MTO1: variants seen among roughly 807,000 people sequenced by gnomAD.
The protein encoded by MTO1 is 5-taurinomethyluridine-[tRNA] synthase subunit MTO1, mitochondrial.
In MTO1, 46 loss-of-function variants were observed where a neutral mutation model predicts 71.6. The ratio of observed to expected loss-of-function variants is 0.64; its 90% CI spans 0.51 to 0.82. The LOEUF (loss-of-function observed/expected upper bound fraction) is 0.82. Among genes scored for constraint, MTO1 ranks in the 40% least tolerant of loss-of-function variants. The pLI, the probability that MTO1 is intolerant of heterozygous loss-of-function variation, is 0.00. For missense variants in MTO1, 773 were observed against 867.5 expected (o/e 0.89, Z 1.37); for synonymous variants, 297 against 312.1 (o/e 0.95, Z 0.51).
intron 4 of MTO1, among the ~76,000 whole-genome samples, chr6:73,475,731 C>T (rs1159678608): frequency 1.3e-5 from 2 of 151,978 alleles, no homozygotes; most frequent in Non-Finnish European, 2.9e-5. Context: ...AGGCTGGTCA[C>T]GAGCTCCCGA....
intron 9 of MTO1, among the ~76,000 whole-genome samples, chr6:73,483,847 C>T (rs926939555): frequency 2.0e-5 from 3 of 146,920 alleles, no homozygotes; most frequent in Admixed American, 7.1e-5. Context: ...GGCATGATCT[C>T]GGCTCACTGC....
intron 3 of MTO1, among the ~76,000 whole-genome samples, 187 bp from the exon 4 acceptor site, chr6:73,473,178 C>T (rs1213798105): frequency 6.6e-6 from 1 of 152,182 alleles, no homozygotes; most frequent in African/African-American, 2.4e-5. Context: ...ACTCGGGAGG[C>T]TGAGGCAGGA....
At chr6:73,483,086 C>G (rs1771559377) in intron 9 of MTO1, among the ~76,000 whole-genome samples, 2 of 151,948 alleles carry the variant, frequency 1.3e-5, no homozygotes, top group African/African-American at 4.8e-5. Context: ...GCCACTGCAC[C>G]CGGCCTAACT....
chr6:73,491,396 C>CAAAAA (rs1223217073), intron 9 of MTO1, among the ~76,000 whole-genome samples: 1 of 133,744 alleles, frequency 7.5e-6, no homozygotes, highest in Non-Finnish European at 1.6e-5. Flanking sequence ...CCTGTCTCTA[C>CAAAAA]AAAAAAAAAA....
intron 3 of MTO1, among the ~76,000 whole-genome samples, chr6:73,469,864 G>T (rs992513264): frequency 6.6e-6 from 1 of 151,980 alleles, no homozygotes; most frequent in Non-Finnish European, 1.5e-5. Flanking sequence ...AATTACCCAG[G>T]TGTGGTGGCA....
In MTO1 at chr6:73,497,157, C is replaced by T. The variant is rs375439644; in HGVS notation, c.1757-579C>T. 9.7e-4 allele frequency among the ~76,000 whole-genome samples: 90 copies of T among 92,702 alleles called. 4 individuals are homozygous for T. Among genetic ancestry groups the T allele is most frequent in the African/African-American group, 1.4e-3 (35 of 24,338 alleles). The allele number at this position is 92,702 out of a possible 152,430, so 60.8% of individuals were successfully genotyped here. ...TTTGCACTGACAGCGGAAGCAAATT[C>T]TTTTTTTTTTTTTGAGACAGAGTCT... On this transcript the variant is annotated intron_variant, in intron 10 of 11. Transcript: ENST00000498286.
At chr6:73,464,861 A>AAAAC (rs1561938557) in intron 1 of MTO1, among the ~76,000 whole-genome samples, 1 of 147,850 alleles carries the variant, frequency 6.8e-6, no homozygotes, top group Non-Finnish European at 1.5e-5. Context: ...AAAAAAAAAA[A>AAAAC]CTTTTGGAGG....
At chr6:73,483,784 A>ATTT (rs35787647) in intron 9 of MTO1, among the ~76,000 whole-genome samples, 2 of 104,084 alleles carry the variant, frequency 1.9e-5, no homozygotes, top group Non-Finnish European at 3.9e-5. Flanking sequence ...ACACCTGGCT[A>ATTT]TTTTTTTTTT....
chr6:73,486,574 C>T (rs1286924737), intron 9 of MTO1: 1 of 439,944 alleles, frequency 2.3e-6, no homozygotes, highest in Non-Finnish European at 4.5e-6. Context: ...CTCGTCTCTA[C>T]TAAAAAATAC....
intron 9 of MTO1, among the ~76,000 whole-genome samples, chr6:73,485,421 C>G (rs1771622898): frequency 6.6e-6 from 1 of 151,822 alleles, no homozygotes; most frequent in Non-Finnish European, 1.5e-5. Flanking sequence ...TGCAGTCTAC[C>G]ACTTAGCCTT....
chr6:73,473,738 T>TG, intron 4 of MTO1, 84 bp downstream of exon 4: 2 of 1,144,392 alleles, frequency 1.7e-6, no homozygotes, highest in Non-Finnish European at 1.2e-6. Flanking sequence ...TTTTTTTTTT[T>TG]GGCAGCAGTT....
At position 73,492,292 on chromosome 6, in the gene MTO1, C is replaced by G. The variant is rs139647877; in HGVS notation, c.1696C>G (p.Pro566Ala). The change falls in exon 10 of 12, where the codon CCA becomes GCA. Residue 566 changes from proline (P) to alanine (A), a missense_variant. Pro to Ala is a conservative substitution (Grantham distance 27, BLOSUM62 -1). Transcript: ENST00000498286. ...VDMDSLAKAV[P>A]EPLKKYTKCR... is the part of the protein sequence containing the mutation. The stretch of plus-strand genomic sequence containing the variant: ...CATGGATTCATTAGCCAAGGCTGTT[C>G]CAGAGCCCTTGAAGAAGTATACTAA... The G allele has an allele frequency of 3.2e-5, 51 of 1,613,760 alleles. No homozygotes were observed. The highest frequency in any genetic ancestry group is 4.2e-5 in the Non-Finnish European group (50 of 1,179,838).
intron 4 of MTO1, 73 bp downstream of exon 4, chr6:73,473,727 T>TG: frequency 7.7e-7 from 1 of 1,290,874 alleles, no homozygotes. Flanking sequence ...GTAACTTTTT[T>TG]TTTTTTTTTT....
In MTO1 at chr6:73,504,633, TG is replaced by T. The variant is rs1385586386; in HGVS notation, c.*3899del. ...CAGGCCAGGCACGGTGGCTTACGCC[TG>T]TAATCCCAGCACTTTGGGAGGCCAG... is the stretch of plus-strand genomic sequence containing the variant. On this transcript the variant is annotated 3_prime_UTR_variant, in exon 12 of 12. Transcript: ENST00000498286. The T allele has an allele frequency of 6.6e-6, 1 of 152,278 alleles. No homozygotes were observed. Among genetic ancestry groups the T allele is most frequent in the Non-Finnish European group, 1.5e-5 (1 of 68,084 alleles). The allele number at this position is 152,278 out of a possible 1,614,324, so 9.4% of individuals were successfully genotyped here. A position where few individuals can be genotyped will look rare whatever the true frequency, so the allele number is the denominator to read the frequency against.
chr6:73,494,878 C>T (rs978818626), intron 10 of MTO1, among the ~76,000 whole-genome samples: 4 of 151,224 alleles, frequency 2.6e-5, no homozygotes, highest in Admixed American at 6.6e-5. Context: ...CTCCTGGGTT[C>T]AAGCCGTTCT....
In MTO1 at chr6:73,461,980, T is replaced by G; in HGVS notation, c.126T>G (p.Ile42Met). The change falls in exon 1 of 12, where the codon ATT becomes ATG. Residue 42 changes from isoleucine to methionine, a missense_variant. By Grantham distance (10) the Ile-to-Met change is conservative. Coordinates refer to ENST00000498286, the MANE Select transcript of MTO1 (RefSeq NM_012123.4). ...CTCCGCACTTCGACGTGATAGTCAT[T>G]GGTGGAGGACATGCCGGGACTGAGG... ...PRTPHFDVIV[I>M]GGGHAGTEAA... 1 of 1,614,200 alleles carries G rather than the reference T, an allele frequency of 6.2e-7. No individual in the cohort carries two copies. The highest frequency in any genetic ancestry group is 8.5e-7 in the Non-Finnish European group (1 of 1,180,042).
chr6:73,469,598 G>A (rs531141614), intron 3 of MTO1, among the ~76,000 whole-genome samples: 2 of 152,148 alleles, frequency 1.3e-5, no homozygotes, highest in Admixed American at 6.5e-5. Flanking sequence ...CTCCAGCCTG[G>A]GCGACAAGAG....
chr6:73,473,858 G>A (rs921782986), intron 4 of MTO1, among the ~76,000 whole-genome samples: 8 of 150,088 alleles, frequency 5.3e-5, no homozygotes, highest in Non-Finnish European at 1.0e-4. Context: ...ACAATTATGG[G>A]TCACTACAGC....
chr6:73,467,839 T>C (rs544488813), intron 3 of MTO1, among the ~76,000 whole-genome samples: 1 of 152,192 alleles, frequency 6.6e-6, no homozygotes, highest in African/African-American at 2.4e-5. Flanking sequence ...GTTTTTGTTT[T>C]TGAGACGGAG....
Sources: allele counts gnomAD v4.1 joint callset (sites outside exome capture counted in the v4.1 genomes callset), GRCh38; gene constraint gnomAD v4.1.1; transcripts MANE v1.5; gene names NCBI Gene and HGNC (gene_info 2026-07-23, HGNC 2026-07-21).